The following ESR1 variants were observed in gnomAD, a reference collection of about 807,000 sequenced individuals.
ESR1 encodes the protein estrogen receptor.
Under a neutral mutation model 52.7 loss-of-function variants are expected in ESR1, and 12 were observed. The observed-to-expected ratio is 0.23, with a 90% CI of 0.15 to 0.37. The LOEUF (loss-of-function observed/expected upper bound fraction) is 0.37, where lower values mean the gene tolerates loss of function less well. ESR1 is among the 10% of genes least tolerant of loss of function. ESR1 has a pLI of 1.00. For synonymous variants in ESR1, 305 were observed against 316.8 expected (o/e 0.96, Z 0.39); for missense variants, 584 against 779.7 (o/e 0.75, Z 2.99).
At chr6:151,939,240 C>A (rs1584352516) in intron 3 of ESR1, among the ~76,000 whole-genome samples, 1 of 152,148 alleles carries the variant, frequency 6.6e-6, no homozygotes. Flanking sequence ...TTTGCATGAT[C>A]TAAACTAATT....
intron 1 of ESR1, among the ~76,000 whole-genome samples, chr6:151,697,415 T>A (rs1779433271): frequency 1.3e-5 from 2 of 152,202 alleles, no homozygotes; most frequent in African/African-American, 4.8e-5. Context: ...AACTGTAAAA[T>A]GGGCATAACA....
chr6:151,944,547 T>C, intron 4 of ESR1, 39 bp downstream of exon 4: 1 of 1,559,146 alleles, frequency 6.4e-7, no homozygotes, highest in Non-Finnish European at 8.8e-7. Flanking sequence ...GTCAATAGCT[T>C]TTCAAGAACT....
chr6:152,125,517 T>A, exon 7 of ESR1: 2 of 968,700 alleles, frequency 2.1e-6, no homozygotes, highest in Non-Finnish European at 2.9e-6. Flanking sequence ...TAAAGTGTCT[T>A]AAGAAGGATA....
At position 151,842,246 on chromosome 6, in the gene ESR1, A is replaced by G. The variant is rs9340799; in HGVS notation, c.453-351A>G. Reference sequence around the variant, plus strand: ...TTCCCAGAGACCCTGAGTGTGGTCTAGAGTTGGGATGAGCATTGGTCTCTA... The same window carrying G: ...TTCCCAGAGACCCTGAGTGTGGTCTGGAGTTGGGATGAGCATTGGTCTCTA... On this transcript the variant is annotated intron_variant, in intron 1 of 7. Transcript: ENST00000206249. Among the ~76,000 whole-genome samples, 47,801 of 151,976 alleles carry G rather than the reference A, an allele frequency of 0.31. 7,698 individuals are homozygous for G. Among genetic ancestry groups the G allele is most frequent in the Middle Eastern group, 0.41 (120 of 294 alleles).
At chr6:151,783,443 T>C (rs1361796265) in intron 2 of ESR1, among the ~76,000 whole-genome samples, 1 of 152,196 alleles carries the variant, frequency 6.6e-6, no homozygotes. Flanking sequence ...TAAGCCCAGG[T>C]ATAGACGATA....
At chr6:151,944,107 A>T (rs1171339993) in intron 3 of ESR1, 66 bp from the exon 4 acceptor site, 4 of 1,444,760 alleles carry the variant, frequency 2.8e-6, no homozygotes, top group East Asian at 4.6e-5. Context: ...AGCTTTGAAA[A>T]TTTTTTGTAT....
intron 5 of ESR1, among the ~76,000 whole-genome samples, chr6:152,014,849 T>C (rs1440307695): frequency 1.3e-5 from 2 of 152,142 alleles, no homozygotes; most frequent in Non-Finnish European, 2.9e-5. Context: ...TGATGCTTCC[T>C]GACTCACCTT....
At chr6:151,924,488 C>T (rs2032323845) in intron 3 of ESR1, among the ~76,000 whole-genome samples, 1 of 151,756 alleles carries the variant, frequency 6.6e-6, no homozygotes, top group Non-Finnish European at 1.5e-5. Context: ...TTAATACAGG[C>T]AAATTTGTGT....
chr6:151,678,472 TA>T (rs201615007), intron 1 of ESR1, among the ~76,000 whole-genome samples: 6,319 of 136,926 alleles, frequency 0.046, 130 homozygotes, highest in Non-Finnish European at 0.061. Flanking sequence ...GACTCCATAT[TA>T]AAAAAAAAAA....
At chr6:151,902,044 G>C (rs990005899) in intron 3 of ESR1, among the ~76,000 whole-genome samples, 1 of 152,164 alleles carries the variant, frequency 6.6e-6, no homozygotes, top group Non-Finnish European at 1.5e-5. Flanking sequence ...CATAACAAAT[G>C]CCAAGCCAAA....
chr6:151,938,621 G>A (rs1482978821), intron 3 of ESR1, among the ~76,000 whole-genome samples: 5 of 152,126 alleles, frequency 3.3e-5, no homozygotes, highest in Non-Finnish European at 5.9e-5. Flanking sequence ...ACCTCCCCTG[G>A]AGAGTGCCCT....
At chr6:151,789,563 C>G (rs1787329575) in intron 2 of ESR1, among the ~76,000 whole-genome samples, 1 of 152,148 alleles carries the variant, frequency 6.6e-6, no homozygotes, top group African/African-American at 2.4e-5. Context: ...AATGTGACTA[C>G]TATGCTGAAA....
chr6:152,126,017 T>C (rs555250413), exon 7 of ESR1: 10 of 152,444 alleles, frequency 6.6e-5, no homozygotes, highest in Admixed American at 2.0e-4. Flanking sequence ...ATTTACAGAA[T>C]GTGGACTCCT....
intron 1 of ESR1, among the ~76,000 whole-genome samples, chr6:151,828,822 G>C (rs1055351752): frequency 6.6e-6 from 1 of 152,182 alleles, no homozygotes; most frequent in African/African-American, 2.4e-5. Context: ...GTCTCCAGAT[G>C]ACATTGTCTG....
intron 4 of ESR1, among the ~76,000 whole-genome samples, chr6:151,988,542 G>A (rs2040719258): frequency 2.0e-5 from 3 of 152,050 alleles, no homozygotes; most frequent in Non-Finnish European, 4.4e-5. Flanking sequence ...GATTCATAGA[G>A]GGAAACAACA....
At chr6:151,737,006 A>G (rs1782728641) in intron 2 of ESR1, among the ~76,000 whole-genome samples, 1 of 152,216 alleles carries the variant, frequency 6.6e-6, no homozygotes, top group African/African-American at 2.4e-5. Context: ...TTAGCTATAT[A>G]TACTTTCTGA....
At chr6:151,731,069 G>A (rs114778898) in intron 2 of ESR1, among the ~76,000 whole-genome samples, 2 of 152,218 alleles carry the variant, frequency 1.3e-5, no homozygotes, top group African/African-American at 4.8e-5. Flanking sequence ...TAGAATGTGG[G>A]TGCAGGCTGG....
chr6:151,703,925 C>T (rs181963055), intron 2 of ESR1, among the ~76,000 whole-genome samples: 210 of 152,274 alleles, frequency 1.4e-3, no homozygotes, highest in Admixed American at 4.7e-3. Flanking sequence ...GGATTCTAGA[C>T]GCTATTGCGC....
At chr6:151,671,192 A>C (rs1184420055) in intron 1 of ESR1, among the ~76,000 whole-genome samples, 1 of 152,192 alleles carries the variant, frequency 6.6e-6, no homozygotes, top group Non-Finnish European at 1.5e-5. Context: ...GTATATATTC[A>C]ATGGAAATAA....
Sources: gnomAD v4.1 joint callset for allele counts (sites outside exome capture counted in the v4.1 genomes callset) on GRCh38, gnomAD v4.1.1 for gene constraint, MANE v1.5 for transcripts, NCBI Gene and HGNC (gene_info 2026-07-23, HGNC 2026-07-21) for gene names.